Variants in KYNU observed in about 807,000 individuals in gnomAD.
KYNU encodes L-kynurenine hydrolase.
In KYNU, 54 loss-of-function variants were observed where a neutral mutation model predicts 59.2. That is an observed-to-expected ratio of 0.91 (90% CI 0.73 to 1.14). KYNU has a LOEUF of 1.14. Among genes scored for constraint, KYNU ranks in the 50% most tolerant of loss-of-function variants. The pLI is 0.00. For synonymous variants in KYNU, 177 were observed against 192.0 expected (o/e 0.92, Z 0.65); for missense variants, 567 against 554.4 (o/e 1.02, Z -0.23).
At chr2:142,976,693 A>G (rs1388544454) in intron 8 of KYNU, among the ~76,000 whole-genome samples, 1 of 152,160 alleles carries the variant, frequency 6.6e-6, no homozygotes, top group Non-Finnish European at 1.5e-5. Flanking sequence ...TCAATTTAGA[A>G]AGTTTATCTT....
chr2:142,976,694 A>C (rs1395285261), intron 8 of KYNU, among the ~76,000 whole-genome samples: 9 of 152,200 alleles, frequency 5.9e-5, no homozygotes, highest in Non-Finnish European at 1.3e-4. Context: ...CAATTTAGAA[A>C]GTTTATCTTG....
At chr2:142,973,629 C>T (rs1684801552) in intron 8 of KYNU, among the ~76,000 whole-genome samples, 1 of 152,150 alleles carries the variant, frequency 6.6e-6, no homozygotes, top group Non-Finnish European at 1.5e-5. Flanking sequence ...TTGGGAAACA[C>T]AGCTGCAAAC....
At chr2:142,911,488 G>T (rs1573779775) in intron 2 of KYNU, among the ~76,000 whole-genome samples, 1 of 152,206 alleles carries the variant, frequency 6.6e-6, no homozygotes, top group East Asian at 1.9e-4. Context: ...TCTAGGTATA[G>T]AATCTTATCA....
intron 8 of KYNU, among the ~76,000 whole-genome samples, chr2:142,970,087 GA>G (rs1437625361): frequency 1.3e-5 from 2 of 151,918 alleles, no homozygotes; most frequent in South Asian, 2.1e-4. Context: ...TCTTTGGGCA[GA>G]AAAAAAATTC....
intron 2 of KYNU, among the ~76,000 whole-genome samples, chr2:142,902,224 T>G (rs1257873841): frequency 6.6e-6 from 1 of 152,222 alleles, no homozygotes; most frequent in Non-Finnish European, 1.5e-5. Context: ...ACATTAATTT[T>G]CTTACTTAGG....
At chr2:142,892,931 C>T (rs1681759114) in intron 2 of KYNU, among the ~76,000 whole-genome samples, 1 of 152,178 alleles carries the variant, frequency 6.6e-6, no homozygotes, top group Non-Finnish European at 1.5e-5. Flanking sequence ...TGCACTCTCC[C>T]TTGAGAAAGG....
intron 4 of KYNU, among the ~76,000 whole-genome samples, chr2:142,941,557 G>A (rs1683601110): frequency 6.6e-6 from 1 of 152,144 alleles, no homozygotes; most frequent in Non-Finnish European, 1.5e-5. Context: ...AACCTTATAT[G>A]ACAAATGCAT....
intron 1 of KYNU, among the ~76,000 whole-genome samples, chr2:142,883,532 T>G (rs1215137913): frequency 6.6e-6 from 1 of 152,106 alleles, no homozygotes; most frequent in Admixed American, 6.5e-5. Flanking sequence ...TGCCTTTGTT[T>G]TTTGCATATC....
At chr2:142,904,879 A>G (rs1437733413) in intron 2 of KYNU, among the ~76,000 whole-genome samples, 1 of 152,100 alleles carries the variant, frequency 6.6e-6, no homozygotes, top group Non-Finnish European at 1.5e-5. Context: ...CTTGACCACA[A>G]AGAAAGGGAT....
intron 6 of KYNU, 64 bp from the exon 7 acceptor site, chr2:142,957,577 G>C: frequency 1.0e-6 from 1 of 997,462 alleles, no homozygotes; most frequent in South Asian, 1.3e-5. Context: ...TTTATTATTT[G>C]TTATTTCAAT....
At chr2:142,879,351 A>C (rs921852510) in intron 1 of KYNU, 5 of 152,250 alleles carry the variant, frequency 3.3e-5, no homozygotes, top group African/African-American at 9.6e-5. Flanking sequence ...CCCAGATGTG[A>C]CAGGCCCAGG....
chr2:142,881,814 C>T lies in KYNU; in HGVS notation c.-19-3535C>T, dbSNP rs552307415. On this transcript the variant is annotated intron_variant, in intron 1 of 13. Coordinates refer to ENST00000264170, the MANE Select transcript of KYNU (RefSeq NM_003937.3). ...ATGGAGTGCAGTGGCACAATTAGCT[C>T]ACTGCAACCTCAGACTGCTGGTCTC... Among the ~76,000 whole-genome samples the T allele has an allele frequency of 5.3e-5, 8 of 151,996 alleles. No homozygotes were observed. In the East Asian group the frequency reaches 9.6e-4, roughly 18 times the overall value.
intron 10 of KYNU, among the ~76,000 whole-genome samples, chr2:142,987,326 G>A (rs1366782852): frequency 1.3e-5 from 2 of 151,698 alleles, no homozygotes; most frequent in Non-Finnish European, 2.9e-5. Context: ...TGGGGTGGGG[G>A]GGAAGAAGTA....
intron 9 of KYNU, 68 bp downstream of exon 9, chr2:142,985,250 G>A (rs1685166283): frequency 3.2e-6 from 3 of 936,340 alleles, no homozygotes; most frequent in East Asian, 2.4e-5. Context: ...GAGAAACTGG[G>A]TCTGTGGGCC....
chr2:142,999,094 G>C (rs1368785909), intron 10 of KYNU, among the ~76,000 whole-genome samples: 1 of 149,396 alleles, frequency 6.7e-6, no homozygotes, highest in Non-Finnish European at 1.5e-5. Context: ...CATTCTGCCA[G>C]CCCCAAACCC....
chr2:142,906,321 A>T (rs1427675841), intron 2 of KYNU, among the ~76,000 whole-genome samples: 1 of 152,216 alleles, frequency 6.6e-6, no homozygotes, highest in South Asian at 2.1e-4. Flanking sequence ...CAAGGCTTGA[A>T]GATTGTATTG....
intron 7 of KYNU, among the ~76,000 whole-genome samples, chr2:142,960,270 A>G (rs1684299417): frequency 6.6e-6 from 1 of 152,220 alleles, no homozygotes; most frequent in African/African-American, 2.4e-5. Context: ...GCTATATAAT[A>G]CTTCATGGAC....
At chr2:143,004,254 T>A (rs1292703056) in intron 10 of KYNU, among the ~76,000 whole-genome samples, 1 of 152,208 alleles carries the variant, frequency 6.6e-6, no homozygotes, top group East Asian at 1.9e-4. Context: ...TCACACTTTG[T>A]TTAACCATAG....
At chr2:142,887,579 T>C (rs1327223136) in intron 2 of KYNU, among the ~76,000 whole-genome samples, 1 of 152,170 alleles carries the variant, frequency 6.6e-6, no homozygotes, top group Non-Finnish European at 1.5e-5. Context: ...GGAACCTTAT[T>C]AAGTTTTAAA....
Sources: gnomAD v4.1 joint callset for allele counts (sites outside exome capture counted in the v4.1 genomes callset) on GRCh38, gnomAD v4.1.1 for gene constraint, MANE v1.5 for transcripts, NCBI Gene and HGNC (gene_info 2026-07-23, HGNC 2026-07-21) for gene names.